Variants in PLXNA4 observed in about 807,000 individuals in gnomAD.
PLXNA4 encodes the protein plexin A4.
Under a neutral mutation model 191.8 loss-of-function variants are expected in PLXNA4, and 44 were observed. The observed-to-expected ratio is 0.23, with a 90% CI of 0.18 to 0.29. PLXNA4 has a LOEUF of 0.29. Ranked by LOEUF, PLXNA4 falls within the 10% of genes least tolerant of loss-of-function variation. PLXNA4 has a pLI of 1.00. For missense variants in PLXNA4, 1,800 were observed against 2,488.8 expected, an observed-to-expected ratio of 0.72 and a Z score of 5.89; for synonymous variants, 1,082 against 1,009.5, an observed-to-expected ratio of 1.07 and a Z score of -1.36.
chr7:132,179,129 G>T (rs1484106930), intron 20 of PLXNA4, among the ~76,000 whole-genome samples: 2 of 64,492 alleles, frequency 3.1e-5, no homozygotes, highest in Admixed American at 1.7e-4. Context: ...ACACGTGCGT[G>T]CTCACACACG....
chr7:132,632,908 T>G (rs1465820455), intron 2 of PLXNA4, among the ~76,000 whole-genome samples: 2 of 152,088 alleles, frequency 1.3e-5, no homozygotes, highest in Non-Finnish European at 2.9e-5. Flanking sequence ...AGAGATTAGC[T>G]CTTCTAATCT....
At chr7:132,430,089 T>C (rs1795203823) in intron 3 of PLXNA4, among the ~76,000 whole-genome samples, 1 of 152,170 alleles carries the variant, frequency 6.6e-6, no homozygotes. Context: ...CATCCTGAGT[T>C]TCTATGCAGC....
intron 3 of PLXNA4, among the ~76,000 whole-genome samples, chr7:132,314,343 C>G (rs1218466597): frequency 6.6e-6 from 1 of 152,208 alleles, no homozygotes; most frequent in Non-Finnish European, 1.5e-5. Flanking sequence ...ATTTCCCACA[C>G]TGACCTAAGA....
chr7:132,510,071 A>G (rs1798647389), intron 1 of PLXNA4, among the ~76,000 whole-genome samples: 1 of 152,206 alleles, frequency 6.6e-6, no homozygotes, highest in African/African-American at 2.4e-5. Context: ...GTCTCTTTCT[A>G]TTCAAGGTGC....
At chr7:132,413,398 G>A (rs1169354329) in intron 3 of PLXNA4, among the ~76,000 whole-genome samples, 2 of 152,184 alleles carry the variant, frequency 1.3e-5, no homozygotes, top group Non-Finnish European at 2.9e-5. Context: ...CACACAACCA[G>A]GACAACTCTG....
At chr7:132,379,958 T>C (rs1804820594) in intron 3 of PLXNA4, among the ~76,000 whole-genome samples, 1 of 152,246 alleles carries the variant, frequency 6.6e-6, no homozygotes, top group South Asian at 2.1e-4. Context: ...CATATGTTCT[T>C]GGACTTGCCA....
At chr7:132,554,166 G>A (rs1388333937) in intron 1 of PLXNA4, among the ~76,000 whole-genome samples, 1 of 152,214 alleles carries the variant, frequency 6.6e-6, no homozygotes, top group African/African-American at 2.4e-5. Flanking sequence ...CAATGGCACA[G>A]AATATCTGAA....
At chr7:132,384,299 T>C in intron 3 of PLXNA4, 3 of 985,494 alleles carry the variant, frequency 3.0e-6, no homozygotes, top group Non-Finnish European at 3.6e-6. Context: ...CACCAGTCGC[T>C]AATTTTACAT....
At position 132,611,729 on chromosome 7, in the gene PLXNA4, A is replaced by T. The variant is rs1188345985; in HGVS notation, c.-87+34199T>A. On this transcript the variant is annotated intron_variant, in intron 2 of 4. Coordinates refer to the PLXNA4 transcript ENST00000378539. The stretch of plus-strand genomic sequence containing the variant: ...GACCAGTACCAAAAGAGGAGTCCAG[A>T]TACCTGTAGTGAGAGAGAACCAGTA... Among the ~76,000 whole-genome samples the T allele has an allele frequency of 3.3e-5, 5 of 152,240 alleles. No individual in the cohort carries two copies. In the East Asian group the frequency reaches 9.6e-4, roughly 29 times the overall value.
At chr7:132,510,808 A>G (rs950097545) in intron 1 of PLXNA4, among the ~76,000 whole-genome samples, 1 of 152,192 alleles carries the variant, frequency 6.6e-6, no homozygotes, top group Non-Finnish European at 1.5e-5. Context: ...GGCATATCAC[A>G]TGAGGGTGTG....
chr7:132,205,643 CA>C (rs1797592232), intron 10 of PLXNA4, among the ~76,000 whole-genome samples: 2 of 152,178 alleles, frequency 1.3e-5, no homozygotes, highest in Non-Finnish European at 2.9e-5. Flanking sequence ...CACCAGGCTT[CA>C]AGCTGCTGCC....
chr7:132,591,712 G>A (rs549028299), intron 2 of PLXNA4, among the ~76,000 whole-genome samples: 136 of 152,274 alleles, frequency 8.9e-4, no homozygotes, highest in Admixed American at 3.0e-3. Context: ...AGGAGCGTTT[G>A]GGTCCTCAGC....
chr7:132,215,944 G>C (rs2880160), intron 9 of PLXNA4, among the ~76,000 whole-genome samples: 45,339 of 152,178 alleles, frequency 0.3, 7,099 homozygotes, highest in South Asian at 0.37. Context: ...AGTTTTGTGA[G>C]CTGTTATAAC....
intron 9 of PLXNA4, among the ~76,000 whole-genome samples, chr7:132,222,237 C>T (rs553234185): frequency 6.1e-4 from 93 of 152,308 alleles, no homozygotes; most frequent in African/African-American, 2.0e-3. Context: ...GGATTTGGGC[C>T]GGGATTTTCT....
chr7:132,298,236 G>T lies in PLXNA4; in HGVS notation c.1372-14C>A. ...ATCCACCCGGATCTGTGGAGAAGAA[G>T]AGGAGAGCCAAAGTGAGTTCAGATC... is the stretch of plus-strand genomic sequence containing the variant. On this transcript the variant is annotated splice_polypyrimidine_tract_variant and intron_variant, in intron 3 of 31. Coordinates refer to ENST00000321063, the MANE Select transcript of PLXNA4 (RefSeq NM_020911.2). 2 of 1,606,732 alleles carry T rather than the reference G, an allele frequency of 1.2e-6. No individual in the cohort carries two copies. The highest frequency in any genetic ancestry group is 1.7e-6 in the Non-Finnish European group (2 of 1,176,666).
chr7:132,528,961 G>A (rs775912259), intron 1 of PLXNA4, among the ~76,000 whole-genome samples: 4 of 152,214 alleles, frequency 2.6e-5, no homozygotes, highest in Non-Finnish European at 5.9e-5. Context: ...ATACTTTGCT[G>A]CCATGAAGAC....
chr7:132,307,466 T>C (rs1801568487), intron 3 of PLXNA4, among the ~76,000 whole-genome samples: 1 of 152,148 alleles, frequency 6.6e-6, no homozygotes, highest in African/African-American at 2.4e-5. Context: ...CAATAAACAT[T>C]TGTTGAATAA....
chr7:132,561,568 CT>C (rs1163654008), intron 1 of PLXNA4, among the ~76,000 whole-genome samples: 5 of 108,784 alleles, frequency 4.6e-5, no homozygotes, highest in African/African-American at 1.2e-4. Flanking sequence ...TCTCCTCCTC[CT>C]TTCCCCTCCT....
chr7:132,132,008 A>C lies in PLXNA4; in HGVS notation c.5589+1041T>G, dbSNP rs144117030. Reference sequence around the variant, plus strand: ...GAGGAAATAGAGAACTCGGGGCACAAGCTTCAGCTTCTCTTACTACCGTCC... The same window carrying C: ...GAGGAAATAGAGAACTCGGGGCACACGCTTCAGCTTCTCTTACTACCGTCC... On this transcript the variant is annotated intron_variant, in intron 31 of 31. Transcript: ENST00000321063. Among the ~76,000 whole-genome samples the C allele has an allele frequency of 2.7e-3, 408 of 152,338 alleles. 5 individuals are homozygous for C. The highest frequency in any genetic ancestry group is 9.3e-3 in the African/African-American group (388 of 41,576).
Sources: allele counts gnomAD v4.1 joint callset (sites outside exome capture counted in the v4.1 genomes callset), GRCh38; gene constraint gnomAD v4.1.1; transcripts MANE v1.5; gene names NCBI Gene and HGNC (gene_info 2026-07-23, HGNC 2026-07-21).